The following ADD3 variants were observed in gnomAD, a reference collection of about 807,000 sequenced individuals.
ADD3 encodes the protein adducin 3.
In ADD3, 25 loss-of-function variants were observed where a neutral mutation model predicts 80.2. The observed-to-expected ratio is 0.31, with a 90% CI of 0.23 to 0.44. The LOEUF is 0.44. Among genes scored for constraint, ADD3 ranks in the 20% least tolerant of loss-of-function variants. The pLI is 1.00. For missense variants in ADD3, 829 were observed against 847.5 expected (o/e 0.98, Z 0.27); for synonymous variants, 284 against 289.6 (o/e 0.98, Z 0.20).
At chr10:110,080,008 A>G (rs1446315509) in intron 1 of ADD3, among the ~76,000 whole-genome samples, 1 of 152,118 alleles carries the variant, frequency 6.6e-6, no homozygotes, top group Admixed American at 6.5e-5. Flanking sequence ...CCGTTTTGGG[A>G]TAGAACCCAG....
chr10:110,076,527 T>C (rs533919984), intron 1 of ADD3, among the ~76,000 whole-genome samples: 131 of 152,302 alleles, frequency 8.6e-4, no homozygotes, highest in African/African-American at 3.0e-3. Context: ...ATAAAACGTT[T>C]TTATTGTTTG....
rs75353227 is a variant in ADD3 at position 110,133,449 on chromosome 10, C to A, written c.1952C>A (p.Thr651Lys). ...GCTAAGCGAGTGAGTAGGTTAAGCACAAGTACAACCATAGAAAACATCGAG... is the reference window on the plus strand; with the variant it reads ...GCTAAGCGAGTGAGTAGGTTAAGCAAAAGTACAACCATAGAAAACATCGAG... ...ELAKRVSRLS[T>K]STTIENIEIT... The change falls in exon 15 of 15, where the codon ACA (threonine) becomes AAA (lysine). Residue 651 changes from threonine to lysine, a missense_variant. Physicochemically the swap from Thr to Lys is moderately conservative, Grantham distance 78. Transcript: ENST00000356080. The A allele has an allele frequency of 6.2e-7, 1 of 1,613,834 alleles. No homozygotes were observed. The highest frequency in any genetic ancestry group is 1.1e-5 in the South Asian group (1 of 91,066).
chr10:110,017,521 G>C (rs897926975), intron 1 of ADD3, among the ~76,000 whole-genome samples: 10 of 152,192 alleles, frequency 6.6e-5, no homozygotes, highest in African/African-American at 2.4e-4. Context: ...CATGGGAAGA[G>C]TTACTGAAGA....
intron 1 of ADD3, among the ~76,000 whole-genome samples, chr10:110,065,066 A>T (rs1335498786): frequency 6.6e-6 from 1 of 151,856 alleles, no homozygotes; most frequent in African/African-American, 2.4e-5. Context: ...AAAAATTACA[A>T]ATTTCTTTAC....
chr10:110,004,209 C>G (rs112433207), upstream of ADD3, among the ~76,000 whole-genome samples: 1 of 151,660 alleles, frequency 6.6e-6, no homozygotes, highest in Non-Finnish European at 1.5e-5. Context: ...CAACTAATTT[C>G]TTTTAATTCT....
At chr10:110,011,240 T>A (rs1457350822) in intron 1 of ADD3, among the ~76,000 whole-genome samples, 6 of 152,190 alleles carry the variant, frequency 3.9e-5, no homozygotes, top group Non-Finnish European at 8.8e-5. Context: ...AATTTTAACT[T>A]AAGTTTGTTC....
intron 1 of ADD3, among the ~76,000 whole-genome samples, chr10:110,073,683 A>G (rs985146660): frequency 3.3e-5 from 5 of 151,976 alleles, no homozygotes; most frequent in African/African-American, 1.2e-4. Context: ...TTTTTCTGTC[A>G]TTTTGCTTTC....
intron 1 of ADD3, among the ~76,000 whole-genome samples, chr10:110,059,544 C>T (rs1034309754): frequency 5.3e-5 from 8 of 151,344 alleles, no homozygotes; most frequent in Non-Finnish European, 1.2e-4. Context: ...AGGCAGATCA[C>T]GAGGTCAGGA....
At chr10:110,008,388 G>C (rs1179681963) in intron 1 of ADD3, 89 bp downstream of exon 1, 5 of 152,508 alleles carry the variant, frequency 3.3e-5, no homozygotes, top group African/African-American at 9.6e-5. Flanking sequence ...CACTGGGGAC[G>C]CTACTGGGGG....
chr10:110,075,453 C>T (rs1381432737), intron 1 of ADD3, among the ~76,000 whole-genome samples: 1 of 152,076 alleles, frequency 6.6e-6, no homozygotes, highest in African/African-American at 2.4e-5. Context: ...TGACATGTTA[C>T]AAACAGCTTG....
intron 1 of ADD3, chr10:110,075,800 A>C (rs921607103): frequency 6.6e-6 from 1 of 152,236 alleles, no homozygotes; most frequent in Non-Finnish European, 1.5e-5. Flanking sequence ...GGTTGAAAAA[A>C]TAAATCATGC....
In ADD3 at chr10:110,063,737, T is replaced by TATATATATATATATA. The variant is rs1554926923; in HGVS notation, c.-29-36888_-29-36887insATATATATATATATA. On this transcript the variant is annotated intron_variant, in intron 1 of 14. Transcript: ENST00000356080. ...TGATGAATATGAATATATATATTCATTATATATATATATATATATATATAT... is the reference window on the plus strand; with the variant it reads ...TGATGAATATGAATATATATATTCATATATATATATATATATATATATATATATATATATATATAT... Among the ~76,000 whole-genome samples the TATATATATATATATA allele has an allele frequency of 1.2e-4, 8 of 64,668 alleles. 1 individual carries two copies. Among genetic ancestry groups the TATATATATATATATA allele is most frequent in the African/African-American group, 3.7e-4 (6 of 16,434 alleles). 42.4% of individuals were successfully genotyped at this position (64,668 alleles called of 152,430 possible).
chr10:110,086,574 C>T (rs571022487), intron 1 of ADD3, among the ~76,000 whole-genome samples: 49 of 152,272 alleles, frequency 3.2e-4, no homozygotes, highest in South Asian at 1.7e-3. Flanking sequence ...CTAGTGCTAT[C>T]TCATGATAGA....
chr10:110,099,104 T>G (rs1388984242), intron 1 of ADD3, among the ~76,000 whole-genome samples: 1 of 150,174 alleles, frequency 6.7e-6, no homozygotes, highest in Non-Finnish European at 1.5e-5. Flanking sequence ...TTTTTTAATT[T>G]ATTTTGTAGA....
chr10:110,102,803 C>G (rs893990554), intron 2 of ADD3, among the ~76,000 whole-genome samples: 1 of 152,036 alleles, frequency 6.6e-6, no homozygotes, highest in African/African-American at 2.4e-5. Flanking sequence ...CATTTTTATG[C>G]CAGGGTTTTT....
chr10:110,123,518 C>T (rs1389845718), intron 9 of ADD3, among the ~76,000 whole-genome samples: 2 of 152,126 alleles, frequency 1.3e-5, no homozygotes, highest in African/African-American at 4.8e-5. Flanking sequence ...TATTCAGATC[C>T]TTTGCCTATT....
At chr10:109,996,853 A>T (rs1398071366) in intron 1 of ADD3, among the ~76,000 whole-genome samples, 2 of 151,992 alleles carry the variant, frequency 1.3e-5, no homozygotes, top group African/African-American at 4.8e-5. Flanking sequence ...GGAGCTCTTC[A>T]CTCTCTTCGG....
rs1412809874 is a variant in ADD3, at chr10:110,118,654, G to T, written c.635G>T (p.Gly212Val). ...GSTNLKIDHT[G>V]FSPHAAIYST... Reference sequence around the variant, plus strand: ...ACCAATTTGAAAATTGACCATACAGGATTCAGTCCCCATGCTGCAATCTAT... The same window carrying T: ...ACCAATTTGAAAATTGACCATACAGTATTCAGTCCCCATGCTGCAATCTAT... The change falls in exon 6 of 15, where the codon GGA becomes GTA. Residue 212 changes from glycine (G) to valine (V), a missense_variant. Gly to Val is a moderately radical substitution (Grantham distance 109). Coordinates refer to ENST00000356080, the MANE Select transcript of ADD3 (RefSeq NM_016824.5). The T allele has an allele frequency of 6.2e-6, 10 of 1,613,610 alleles. No individual in the cohort carries two copies. Among genetic ancestry groups the T allele is most frequent in the Non-Finnish European group, 8.5e-6 (10 of 1,179,682 alleles).
chr10:110,035,158 G>A (rs868519608), intron 1 of ADD3, among the ~76,000 whole-genome samples: 2 of 152,148 alleles, frequency 1.3e-5, no homozygotes, highest in Non-Finnish European at 2.9e-5. Flanking sequence ...TTCTGAGGGA[G>A]GGATTCTTTC....
Sources: gnomAD v4.1 joint callset for allele counts (sites outside exome capture counted in the v4.1 genomes callset) on GRCh38, gnomAD v4.1.1 for gene constraint, MANE v1.5 for transcripts, NCBI Gene and HGNC (gene_info 2026-07-23, HGNC 2026-07-21) for gene names.